Variants in RMND5A observed in about 807,000 individuals in gnomAD.
The protein encoded by RMND5A is required for meiotic nuclear division 5 homolog A, also known as E3 ubiquitin-protein transferase RMND5A.
In RMND5A, 17 loss-of-function variants were observed where a neutral mutation model predicts 49.7. That is an observed-to-expected ratio of 0.34 (90% CI 0.23 to 0.51). RMND5A has a LOEUF of 0.51. RMND5A is among the 20% of genes least tolerant of loss of function. The pLI, the probability that RMND5A is intolerant of heterozygous loss-of-function variation, is 0.96. For missense variants in RMND5A, 255 were observed against 471.3 expected (o/e 0.54, Z 4.25); for synonymous variants, 156 against 167.7 (o/e 0.93, Z 0.54).
intron 1 of RMND5A, chr2:86,721,102 G>C (rs1473695624): frequency 3.3e-6 from 1 of 302,640 alleles, no homozygotes; most frequent in African/African-American, 2.3e-5. Context: ...CATCGCACCT[G>C]CAAACTGCCG....
chr2:86,749,592 G>A (rs563889524), intron 2 of RMND5A, among the ~76,000 whole-genome samples: 3 of 152,034 alleles, frequency 2.0e-5, no homozygotes, highest in Non-Finnish European at 4.4e-5. Context: ...GTTTCACCAT[G>A]TTGGCCAGGT....
intron 2 of RMND5A, 123 bp from the exon 3 acceptor site, chr2:86,751,773 A>T: frequency 1.3e-6 from 1 of 782,648 alleles, no homozygotes; most frequent in Non-Finnish European, 1.9e-6. Context: ...TTCCTTTGGG[A>T]CGCTATAAAT....
Position 86,766,038 on chromosome 2 carries a change from C to A in RMND5A, c.854+14C>A. 6.2e-7 allele frequency: 1 copy of A among 1,608,066 alleles called. No individual in the cohort carries two copies. The highest frequency in any genetic ancestry group is 8.5e-7 in the Non-Finnish European group (1 of 1,177,082). Reference sequence around the variant, plus strand: ...TCTCAGTGTCAGGTATGGAAATTAGCCCTGTCTGTTATTGAAGTATGCACT... The same window carrying A: ...TCTCAGTGTCAGGTATGGAAATTAGACCTGTCTGTTATTGAAGTATGCACT... On this transcript the variant is annotated intron_variant, in intron 6 of 8. Coordinates refer to ENST00000283632, the MANE Select transcript of RMND5A (RefSeq NM_022780.4).
At chr2:86,743,417 T>C (rs1681484014) in intron 2 of RMND5A, among the ~76,000 whole-genome samples, 1 of 152,022 alleles carries the variant, frequency 6.6e-6, no homozygotes, top group Admixed American at 6.5e-5. Context: ...AAGTAATTCT[T>C]ATACAGTTTC....
chr2:86,770,116 T>G lies in RMND5A; in HGVS notation c.948T>G (p.Asp316Glu). 1 of 1,608,768 alleles carries G rather than the reference T, an allele frequency of 6.2e-7. No homozygotes were observed. Among genetic ancestry groups the G allele is most frequent in the Non-Finnish European group, 8.5e-7 (1 of 1,175,074 alleles). Residue 316 changes from aspartate to glutamate, a missense_variant, in exon 7 of 9, where the codon GAT (aspartate) becomes GAG (glutamate). Coordinates refer to ENST00000283632, the MANE Select transcript of RMND5A (RefSeq NM_022780.4). ...GTACTGGAGTTTGGAACCAGAAAGA[T>G]GAATTACCTGTGAGTTCCATTTTCT... Reference protein sequence around the residue: ...RQCTGVWNQKDELPIEVDLGK... With the variant: ...RQCTGVWNQKEELPIEVDLGK...
intron 1 of RMND5A, chr2:86,721,012 C>A: frequency 2.1e-6 from 1 of 481,452 alleles, no homozygotes; most frequent in Admixed American, 4.3e-5. Flanking sequence ...GCTGCCAATT[C>A]AGAAGGAGCG....
rs1166534598 is a variant in RMND5A at position 86,775,324 on chromosome 2, CTT to C, written c.*1915_*1916del. The C allele has an allele frequency of 1.3e-5, 1 of 78,434 alleles. No individual in the cohort carries two copies. Among genetic ancestry groups the C allele is most frequent in the African/African-American group, 4.8e-5 (1 of 20,624 alleles). 4.9% of individuals were successfully genotyped at this position (78,434 alleles called of 1,614,324 possible). The stretch of plus-strand genomic sequence containing the variant: ...AACCTAGAGTGTTGTATTTTTCTTT[CTT>C]TCTTTTTTTTTTTTTTTTTTTTTAC... On this transcript the variant is annotated 3_prime_UTR_variant, in exon 9 of 9. Transcript: ENST00000283632.
chr2:86,773,420 C>A lies in RMND5A; in HGVS notation c.*9C>A, dbSNP rs367811007. The stretch of plus-strand genomic sequence containing the variant: ...AACAGATATTTTTCTGAAGAGATAA[C>A]TTTAGTTTGCAATTTGTAAGTGAAA... On this transcript the variant is annotated 3_prime_UTR_variant, in exon 9 of 9. Coordinates refer to ENST00000283632, the MANE Select transcript of RMND5A (RefSeq NM_022780.4). 1.3e-5 allele frequency: 20 copies of A among 1,577,436 alleles called. No homozygotes were observed. The African/African-American group carries it at 2.3e-4, about 18-fold the overall frequency.
chr2:86,747,892 T>G (rs1009703985), intron 2 of RMND5A, among the ~76,000 whole-genome samples: 1 of 152,196 alleles, frequency 6.6e-6, no homozygotes, highest in African/African-American at 2.4e-5. Flanking sequence ...CTTCTAGATT[T>G]AGTATGTCCT....
intron 2 of RMND5A, among the ~76,000 whole-genome samples, chr2:86,750,281 C>A (rs569492748): frequency 6.6e-6 from 1 of 152,296 alleles, no homozygotes; most frequent in Non-Finnish European, 1.5e-5. Flanking sequence ...TTTAGCAATA[C>A]TTTTAGAGCA....
intron 6 of RMND5A, among the ~76,000 whole-genome samples, chr2:86,766,932 A>G (rs145508286): frequency 9.2e-4 from 140 of 152,316 alleles, no homozygotes; most frequent in African/African-American, 3.2e-3. Context: ...GTATGACAAA[A>G]TAGGAAATCC....
At chr2:86,749,824 T>A (rs1285112497) in intron 2 of RMND5A, among the ~76,000 whole-genome samples, 1 of 152,230 alleles carries the variant, frequency 6.6e-6, no homozygotes, top group African/African-American at 2.4e-5. Flanking sequence ...AACCTTAATG[T>A]ATGTATTCAG....
Position 86,729,204 on chromosome 2 carries a change from T to A in RMND5A, c.142+8395T>A, listed in dbSNP as rs569861084. Among the ~76,000 whole-genome samples the A allele has an allele frequency of 4.1e-3, 626 of 152,358 alleles. 5 individuals are homozygous for A. The highest frequency in any genetic ancestry group is 0.014 in the African/African-American group (600 of 41,558). ...AAGAGTCTTTAAGGAACTTAGAAGT[T>A]AGTTGGAGAGACCAGACTCATATTT... On this transcript the variant is annotated intron_variant, in intron 1 of 8. Transcript: ENST00000283632.
At chr2:86,766,661 C>CAAAA (rs59511898) in intron 6 of RMND5A, among the ~76,000 whole-genome samples, 1,001 of 76,894 alleles carry the variant, frequency 0.013, 25 homozygotes, top group African/African-American at 0.05. Context: ...GAGACTGTCT[C>CAAAA]AAAAAAAAAA....
intron 6 of RMND5A, 61 bp from the exon 7 acceptor site, chr2:86,769,962 C>T (rs1434613168): frequency 9.0e-6 from 11 of 1,227,568 alleles, no homozygotes; most frequent in Non-Finnish European, 1.3e-5. Context: ...ATTGATGTCT[C>T]CTTGGACCAA....
intron 4 of RMND5A, 96 bp from the exon 5 acceptor site, chr2:86,764,931 A>G: frequency 8.2e-7 from 1 of 1,213,772 alleles, no homozygotes; most frequent in Non-Finnish European, 1.1e-6. Flanking sequence ...AAGATGGCAG[A>G]CCAAGCCCCT....
At chr2:86,747,045 T>C (rs532405607) in intron 2 of RMND5A, among the ~76,000 whole-genome samples, 19 of 152,228 alleles carry the variant, frequency 1.2e-4, no homozygotes, top group Non-Finnish European at 1.3e-4. Context: ...ATGGATTATT[T>C]CATCATAGGA....
At position 86,758,420 on chromosome 2, in the gene RMND5A, TA is replaced by T. The variant is rs200617239; in HGVS notation, c.521+4863del. Among the ~76,000 whole-genome samples, 792 of 152,316 alleles carry T rather than the reference TA, an allele frequency of 5.2e-3. 4 individuals are homozygous for T. Among genetic ancestry groups the T allele is most frequent in the African/African-American group, 0.017 (720 of 41,562 alleles). On this transcript the variant is annotated intron_variant, in intron 4 of 8. Coordinates refer to ENST00000283632, the MANE Select transcript of RMND5A (RefSeq NM_022780.4). ...TCTTTTAGGGATTATACCTTAATTT[TA>T]TTTAGCCAGTTCCTATGGATGGACG... is the stretch of plus-strand genomic sequence containing the variant.
rs1263574113 is a variant in RMND5A, at chr2:86,774,657, C to G, written c.*1246C>G. The G allele has an allele frequency of 6.6e-6, 1 of 152,634 alleles. No individual in the cohort carries two copies. The highest frequency in any genetic ancestry group is 1.5e-5 in the Non-Finnish European group (1 of 68,044). 9.5% of individuals were successfully genotyped at this position (152,634 alleles called of 1,614,324 possible). On this transcript the variant is annotated 3_prime_UTR_variant, in exon 9 of 9. Transcript: ENST00000283632. ...CTGTGGACATAATTCTGACCGAAAC[C>G]CATGAAGTTACTTCAGTATAAGAAG...
Sources: gnomAD v4.1 joint callset for allele counts (sites outside exome capture counted in the v4.1 genomes callset) on GRCh38, gnomAD v4.1.1 for gene constraint, MANE v1.5 for transcripts, NCBI Gene and HGNC (gene_info 2026-07-23, HGNC 2026-07-21) for gene names.